IWS1: variants seen among roughly 807,000 people sequenced by gnomAD.
IWS1 encodes the protein interacts with SUPT6H, CTD assembly factor 1, also known as protein IWS1 homolog.
A neutral mutation model predicts 86.7 loss-of-function variants in IWS1; 27 were observed. The observed-to-expected ratio is 0.31, with a 90% CI of 0.23 to 0.43. The LOEUF is 0.43. IWS1 is among the 20% of genes least tolerant of loss of function. The pLI is 1.00. For missense variants in IWS1, 827 were observed against 1,000.8 expected, an observed-to-expected ratio of 0.83 and a Z score of 2.34; for synonymous variants, 313 against 335.1, an observed-to-expected ratio of 0.93 and a Z score of 0.72.
chr2:127,483,377 C>T (rs570081460), intron 13 of IWS1, among the ~76,000 whole-genome samples: 4 of 151,702 alleles, frequency 2.6e-5, no homozygotes, highest in African/African-American at 7.3e-5. Context: ...AATCCCAGCA[C>T]GCTGGGAGGT....
chr2:127,513,655 G>A (rs1268436271), intron 2 of IWS1, among the ~76,000 whole-genome samples: 1 of 152,152 alleles, frequency 6.6e-6, no homozygotes, highest in Admixed American at 6.5e-5. Context: ...AGTACATTTT[G>A]AGTTAGCTCT....
At position 127,489,564 on chromosome 2, in the gene IWS1, C is replaced by T. The variant is rs1036198434; in HGVS notation, c.2159+268G>A. The T allele has an allele frequency of 7.8e-6, 4 of 514,180 alleles. No homozygotes were observed. In the East Asian group the frequency reaches 1.3e-4, roughly 17 times the overall value. The allele number at this position is 514,180 out of a possible 1,614,324, so 31.9% of individuals were successfully genotyped here. A position where few individuals can be genotyped will look rare whatever the true frequency, so the allele number is the denominator to read the frequency against. ...GAAACGGGACCCAGAAAGTTGTTTTCTCAAGTGGATGGAACAACACAAGCA... is the reference window on the plus strand; with the variant it reads ...GAAACGGGACCCAGAAAGTTGTTTTTTCAAGTGGATGGAACAACACAAGCA... On this transcript the variant is annotated intron_variant, in intron 11 of 13. Coordinates refer to ENST00000295321, the MANE Select transcript of IWS1 (RefSeq NM_017969.3). The surrounding 1 kb of genome is among the most constrained non-coding windows in gnomAD (Gnocchi z 4.8).
At chr2:127,507,095 T>C (rs913581591) in intron 2 of IWS1, among the ~76,000 whole-genome samples, 5 of 152,192 alleles carry the variant, frequency 3.3e-5, no homozygotes, top group African/African-American at 9.6e-5. Context: ...ACAGACCAAT[T>C]TTCAAGGACC....
At chr2:127,488,978 C>G (rs1690073808) in intron 12 of IWS1, among the ~76,000 whole-genome samples, 1 of 152,082 alleles carries the variant, frequency 6.6e-6, no homozygotes, top group South Asian at 2.1e-4. Flanking sequence ...GCAATAAAAT[C>G]TTTATTGAAT....
In IWS1 at chr2:127,489,237, T is replaced by TG; in HGVS notation, c.2160-3dup. On this transcript the variant is annotated splice_region_variant and splice_polypyrimidine_tract_variant and intron_variant, in intron 11 of 13. Transcript: ENST00000295321. This position sits in a 1 kb window ranked among gnomAD's most constrained non-coding sequence, Gnocchi z 4.8. Reference sequence around the variant, plus strand: ...CTTCTGGGTGTCTGACCACCAGTGCTGAAAAAAAAGTAAACAAGGAGATAC... The same window carrying TG: ...CTTCTGGGTGTCTGACCACCAGTGCTGGAAAAAAAAGTAAACAAGGAGATAC... The TG allele has an allele frequency of 1.2e-6, 2 of 1,609,984 alleles. No homozygotes were observed.
Position 127,505,556 on chromosome 2 carries a change from T to C in IWS1, c.347A>G (p.His116Arg). The C allele has an allele frequency of 6.2e-7, 1 of 1,614,006 alleles. No homozygotes were observed. The highest frequency in any genetic ancestry group is 2.2e-5 in the East Asian group (1 of 44,872). The change falls in exon 3 of 14, where the codon CAT becomes CGT. Residue 116 changes from histidine (H) to arginine (R), a missense_variant. His to Arg is a conservative substitution (Grantham distance 29). Coordinates refer to ENST00000295321, the MANE Select transcript of IWS1 (RefSeq NM_017969.3). The surrounding 1 kb of genome is among the most constrained non-coding windows in gnomAD (Gnocchi z 5.0). Reference protein sequence around the residue: ...SDSENEDVNQHGSDSESEETR... With the variant: ...SDSENEDVNQRGSDSESEETR... Reference sequence around the variant, plus strand: ...CTCTTCACTCTCAGAGTCGCTCCCATGCTGATTGACATCCTCATTTTCAGA... The same window carrying C: ...CTCTTCACTCTCAGAGTCGCTCCCACGCTGATTGACATCCTCATTTTCAGA...
At chr2:127,512,481 CTTAA>C (rs1490037484) in intron 2 of IWS1, among the ~76,000 whole-genome samples, 1 of 152,212 alleles carries the variant, frequency 6.6e-6, no homozygotes, top group African/African-American at 2.4e-5. Context: ...CTAACCCAAA[CTTAA>C]TTATTCAGCA....
At chr2:127,488,388 C>T (rs1690047435) in intron 12 of IWS1, among the ~76,000 whole-genome samples, 1 of 152,196 alleles carries the variant, frequency 6.6e-6, no homozygotes, top group Non-Finnish European at 1.5e-5. Flanking sequence ...TCCCTCAAAT[C>T]TACTTCTCCC....
chr2:127,503,600 T>G, intron 3 of IWS1, 24 bp from the exon 4 acceptor site: 1 of 1,541,760 alleles, frequency 6.5e-7, no homozygotes, highest in South Asian at 1.3e-5. Context: ...AAATCATCAT[T>G]AATTTTATTT....
chr2:127,483,360 C>T (rs1689735032), intron 13 of IWS1, among the ~76,000 whole-genome samples: 2 of 151,918 alleles, frequency 1.3e-5, no homozygotes, highest in African/African-American at 2.4e-5. Context: ...TGGTGGCTCC[C>T]GCCCGTAATC....
At chr2:127,483,615 TGTGTGTGTGCGTGTGC>T (rs1421634488) in intron 13 of IWS1, among the ~76,000 whole-genome samples, 4 of 5,352 alleles carry the variant, frequency 7.5e-4, no homozygotes, top group Non-Finnish European at 4.5e-3. Flanking sequence ...TGTGTGTGTG[TGTGTGTGTGCGTGTGC>T]GTGTGTGTGT....
chr2:127,495,826 CGT>C (rs998484991), intron 7 of IWS1, among the ~76,000 whole-genome samples, 170 bp downstream of exon 7: 34 of 152,064 alleles, frequency 2.2e-4, no homozygotes, highest in African/African-American at 7.5e-4. Context: ...TTTTTCTAAA[CGT>C]GTGACTAAAA....
At chr2:127,526,925 T>G (rs1692454975), upstream of IWS1, 2 of 286,448 alleles carry the variant, frequency 7.0e-6, no homozygotes, top group South Asian at 2.9e-5. Context: ...ACTGGCGCGA[T>G]CCACAGCGCC....
At chr2:127,484,033 G>T (rs1009865368) in intron 13 of IWS1, among the ~76,000 whole-genome samples, 21 of 152,296 alleles carry the variant, frequency 1.4e-4, no homozygotes, top group Middle Eastern at 3.4e-3. Context: ...GCCGGGCATG[G>T]TGGCTCACAC....
intron 13 of IWS1, among the ~76,000 whole-genome samples, chr2:127,485,696 T>C: frequency 6.6e-6 from 1 of 152,216 alleles, no homozygotes; most frequent in East Asian, 1.9e-4. Context: ...GGGACTTCCA[T>C]GTCAATTTCT....
intron 2 of IWS1, among the ~76,000 whole-genome samples, chr2:127,522,311 TA>T (rs1692143631): frequency 6.6e-6 from 1 of 152,204 alleles, no homozygotes; most frequent in Non-Finnish European, 1.5e-5. Context: ...ACTTTCTTAA[TA>T]AAAGACCTAT....
upstream of IWS1, chr2:127,527,025 G>A (rs1692460696): frequency 4.7e-6 from 1 of 211,310 alleles, no homozygotes; most frequent in Admixed American, 5.2e-5. Flanking sequence ...AGAAGTACAC[G>A]TCTTTGCTTC....
intron 1 of IWS1, 96 bp downstream of exon 1, chr2:127,526,079 G>T (rs1225438600): frequency 1.6e-6 from 2 of 1,231,578 alleles, no homozygotes; most frequent in Non-Finnish European, 2.3e-6. Flanking sequence ...GGAAGGTTTC[G>T]GGGGGCCTCC....
intron 2 of IWS1, among the ~76,000 whole-genome samples, chr2:127,513,354 G>A (rs970868355): frequency 1.3e-5 from 2 of 152,196 alleles, no homozygotes; most frequent in African/African-American, 4.8e-5. Flanking sequence ...CATGAGGTAC[G>A]GGGTAATTGG....
Sources: allele counts gnomAD v4.1 joint callset (sites outside exome capture counted in the v4.1 genomes callset), GRCh38; gene constraint gnomAD v4.1.1; non-coding constraint Gnocchi (gnomAD v3.1); transcripts MANE v1.5; gene names NCBI Gene and HGNC (gene_info 2026-07-23, HGNC 2026-07-21).